CUX1: variants seen among roughly 807,000 people sequenced by gnomAD.
The protein encoded by CUX1 is protein CASP.
CUX1 carries 31 observed loss-of-function variants against 158.8 expected under a neutral mutation model. The observed-to-expected ratio is 0.20, with a 90% CI of 0.15 to 0.26. CUX1 has a LOEUF of 0.26. Among genes scored for constraint, CUX1 ranks in the 10% least tolerant of loss-of-function variants. The probability of loss-of-function intolerance (pLI) is 1.00; values close to 1 mark genes in which losing one functional copy is unlikely to be tolerated. For missense variants in CUX1, 1,589 were observed against 2,014.6 expected (o/e 0.79, Z 4.04); for synonymous variants, 879 against 862.1 (o/e 1.02, Z -0.34).
chr7:101,911,762 C>T (rs1424208295), intron 1 of CUX1, among the ~76,000 whole-genome samples: 1 of 152,234 alleles, frequency 6.6e-6, no homozygotes, highest in Non-Finnish European at 1.5e-5. Context: ...GGCCCATTGA[C>T]TTGAGAGAGG....
At chr7:102,141,148 G>A (rs782514074) in intron 8 of CUX1, among the ~76,000 whole-genome samples, 13 of 151,958 alleles carry the variant, frequency 8.6e-5, no homozygotes, top group Non-Finnish European at 1.5e-4. Context: ...AATAGGAACC[G>A]CTGAATTATT....
chr7:102,137,890 A>G (rs1220218804), intron 8 of CUX1, among the ~76,000 whole-genome samples: 3 of 152,128 alleles, frequency 2.0e-5, no homozygotes, highest in African/African-American at 4.8e-5. Context: ...TAGCCTTAAA[A>G]AAAAAATCTA....
At chr7:102,139,659 A>T (rs1411786029) in intron 8 of CUX1, among the ~76,000 whole-genome samples, 8 of 150,450 alleles carry the variant, frequency 5.3e-5, no homozygotes, top group Non-Finnish European at 1.0e-4. Flanking sequence ...TCCAAAATGA[A>T]TTTTTTTTTT....
At chr7:102,080,176 C>G (rs978293089) in intron 4 of CUX1, among the ~76,000 whole-genome samples, 1 of 152,216 alleles carries the variant, frequency 6.6e-6, no homozygotes, top group Non-Finnish European at 1.5e-5. Flanking sequence ...CCCCCGGTCC[C>G]TCGACACAGC....
intron 18 of CUX1, among the ~76,000 whole-genome samples, chr7:102,279,237 C>T (rs1249204128): frequency 2.0e-5 from 3 of 151,896 alleles, no homozygotes; most frequent in East Asian, 1.9e-4. Flanking sequence ...GCTACTCAGG[C>T]GGCTAAGGCA....
At chr7:101,868,525 C>A (rs1004165649) in intron 1 of CUX1, among the ~76,000 whole-genome samples, 3 of 152,212 alleles carry the variant, frequency 2.0e-5, no homozygotes, top group Non-Finnish European at 2.9e-5. Context: ...TGAGGACAGG[C>A]ACCTTAGCGC....
intron 8 of CUX1, among the ~76,000 whole-genome samples, chr7:102,152,454 T>A (rs1835795251): frequency 6.6e-6 from 1 of 152,230 alleles, no homozygotes; most frequent in East Asian, 1.9e-4. Context: ...GGTCTCACTT[T>A]GTCACCTAGG....
At chr7:101,970,851 C>T (rs990525405) in intron 2 of CUX1, among the ~76,000 whole-genome samples, 2 of 152,136 alleles carry the variant, frequency 1.3e-5, no homozygotes, top group Admixed American at 6.5e-5. Context: ...CCCCTGCACC[C>T]GGCTGAACCT....
At chr7:101,863,475 C>A (rs778282671) in intron 1 of CUX1, among the ~76,000 whole-genome samples, 1 of 151,902 alleles carries the variant, frequency 6.6e-6, no homozygotes, top group Non-Finnish European at 1.5e-5. Context: ...CTCAGCCTCC[C>A]GAGTAGCTGG....
intron 1 of CUX1, among the ~76,000 whole-genome samples, chr7:101,910,336 G>A (rs1487874368): frequency 1.3e-5 from 2 of 151,950 alleles, no homozygotes; most frequent in African/African-American, 4.8e-5. Flanking sequence ...TTGTAGAGAT[G>A]GGGTTTTGCC....
intron 3 of CUX1, among the ~76,000 whole-genome samples, chr7:102,045,696 A>G (rs1414208177): frequency 1.3e-5 from 2 of 152,288 alleles, no homozygotes; most frequent in African/African-American, 4.8e-5. Context: ...GCTATTCAAT[A>G]AAAGTCCTAT....
chr7:101,935,496 T>G (rs1211754482), intron 2 of CUX1, among the ~76,000 whole-genome samples: 1 of 152,234 alleles, frequency 6.6e-6, no homozygotes, highest in Non-Finnish European at 1.5e-5. Context: ...CAGCTCTGTG[T>G]CCTGCCATCG....
intron 2 of CUX1, among the ~76,000 whole-genome samples, chr7:101,966,840 C>T (rs138844979): frequency 2.6e-5 from 4 of 152,110 alleles, no homozygotes; most frequent in East Asian, 1.9e-4. Flanking sequence ...CTGGGCCGAG[C>T]GGACCTGCCA....
intron 3 of CUX1, among the ~76,000 whole-genome samples, chr7:102,063,833 C>A (rs956421637): frequency 1.3e-5 from 2 of 152,164 alleles, no homozygotes; most frequent in African/African-American, 4.8e-5. Flanking sequence ...TGCCCGTGGT[C>A]GGGAGGAAAA....
chr7:102,198,705 A>T, intron 15 of CUX1, 97 bp from the exon 16 acceptor site: 1 of 1,074,794 alleles, frequency 9.3e-7, no homozygotes, highest in Non-Finnish European at 1.4e-6. Context: ...CCCTTTCTTT[A>T]GTGACAGGCG....
intron 4 of CUX1, 97 bp from the exon 5 acceptor site, chr7:102,097,267 C>T: frequency 1.4e-6 from 2 of 1,433,018 alleles, no homozygotes; most frequent in Non-Finnish European, 9.3e-7. Flanking sequence ...GCCCCCGGAG[C>T]TGATGTCCCA....
At chr7:102,073,275 G>C (rs1826359531) in intron 4 of CUX1, among the ~76,000 whole-genome samples, 1 of 137,474 alleles carries the variant, frequency 7.3e-6, no homozygotes, top group African/African-American at 2.7e-5. Context: ...CCAGGTTCAA[G>C]CAATTCTCCT....
At chr7:102,173,353 TCAAAA>T (rs1298293773) in intron 10 of CUX1, among the ~76,000 whole-genome samples, 1 of 152,140 alleles carries the variant, frequency 6.6e-6, no homozygotes, top group South Asian at 2.1e-4. Context: ...AGACTCCATC[TCAAAA>T]CAAAACAAAA....
At chr7:101,951,267 G>T (rs1391781720) in intron 2 of CUX1, among the ~76,000 whole-genome samples, 1 of 151,680 alleles carries the variant, frequency 6.6e-6, no homozygotes, top group African/African-American at 2.4e-5. Flanking sequence ...GGTGGCAGAG[G>T]TTGCAGTGAG....
Sources: allele counts gnomAD v4.1 joint callset (sites outside exome capture counted in the v4.1 genomes callset), GRCh38; gene constraint gnomAD v4.1.1; transcripts MANE v1.5; gene names NCBI Gene and HGNC (gene_info 2026-07-23, HGNC 2026-07-21).